The following RBFOX1 variants were observed in gnomAD, a reference collection of about 807,000 sequenced individuals.
RBFOX1 encodes RNA binding protein fox-1 homolog 1.
In RBFOX1, 8 loss-of-function variants were observed where a neutral mutation model predicts 57.7. The ratio of observed to expected loss-of-function variants is 0.14; its 90% CI spans 0.08 to 0.25. RBFOX1 has a LOEUF of 0.25. Among genes scored for constraint, RBFOX1 ranks in the 10% least tolerant of loss-of-function variants. RBFOX1 has a pLI of 1.00. For missense variants in RBFOX1, 611 were observed against 548.5 expected, an observed-to-expected ratio of 1.11 and a Z score of -1.14; for synonymous variants, 326 against 222.4, an observed-to-expected ratio of 1.47 and a Z score of -4.15.
At chr16:5,852,365 T>A (rs1039512673) in intron 3 of RBFOX1, among the ~76,000 whole-genome samples, 1 of 152,064 alleles carries the variant, frequency 6.6e-6, no homozygotes, top group Non-Finnish European at 1.5e-5. Context: ...GGAAGGAACA[T>A]GAGGCAGCAA....
At chr16:6,974,336 C>CTTTTTTTTTTT (rs59299498) in intron 3 of RBFOX1, among the ~76,000 whole-genome samples, 5 of 58,664 alleles carry the variant, frequency 8.5e-5, no homozygotes, top group Admixed American at 2.8e-4. Flanking sequence ...TTTTCTTTTT[C>CTTTTTTTTTTT]TTTTTTTTTT....
intron 4 of RBFOX1, among the ~76,000 whole-genome samples, chr16:7,311,375 G>A (rs2096302783): frequency 6.6e-6 from 1 of 151,838 alleles, no homozygotes; most frequent in East Asian, 1.9e-4. Flanking sequence ...CTCCCCTTTT[G>A]TGGCCATAGA....
At chr16:7,693,214 C>G in intron 14 of RBFOX1, 6 of 916,304 alleles carry the variant, frequency 6.5e-6, no homozygotes, top group Non-Finnish European at 1.1e-5. Context: ...CATTCACACG[C>G]AGCACCCTTC....
chr16:7,023,596 T>A (rs1278308366), intron 3 of RBFOX1, among the ~76,000 whole-genome samples: 7 of 91,060 alleles, frequency 7.7e-5, no homozygotes, highest in South Asian at 3.5e-4. Context: ...AAAAAAAAAT[T>A]AGCTTGCCAT....
intron 3 of RBFOX1, among the ~76,000 whole-genome samples, chr16:5,778,994 C>T (rs192205297): frequency 6.6e-6 from 1 of 152,156 alleles, no homozygotes; most frequent in Non-Finnish European, 1.5e-5. Flanking sequence ...ACTCATTTAA[C>T]AATTGTATAT....
At chr16:6,581,898 C>A (rs1807230625) in intron 2 of RBFOX1, among the ~76,000 whole-genome samples, 1 of 152,212 alleles carries the variant, frequency 6.6e-6, no homozygotes, top group African/African-American at 2.4e-5. Context: ...TCAAGGTTTT[C>A]TTTTGCCCTA....
intron 4 of RBFOX1, among the ~76,000 whole-genome samples, chr16:7,279,695 A>G (rs1296847783): frequency 2.0e-5 from 3 of 152,230 alleles, no homozygotes; most frequent in Non-Finnish European, 4.4e-5. Context: ...GAACTAGCAG[A>G]CCAGGCATAA....
chr16:6,510,797 A>G (rs981235924), intron 2 of RBFOX1, among the ~76,000 whole-genome samples: 2 of 152,120 alleles, frequency 1.3e-5, no homozygotes, highest in Non-Finnish European at 2.9e-5. Context: ...TACCTGGCGG[A>G]CTGCTAAAGG....
rs149334534 is a variant in RBFOX1 at position 7,081,034 on chromosome 16, G to C, written c.27+28936G>C. On this transcript the variant is annotated intron_variant, in intron 4 of 15. Coordinates refer to ENST00000550418, the MANE Select transcript of RBFOX1 (RefSeq NM_018723.4). ...CGAGTTGCTGGCCGTAGCCACACTG[G>C]CTTTATTTTACTTTTTTTGAGGCAG... is the stretch of plus-strand genomic sequence containing the variant. Among the ~76,000 whole-genome samples, 18 of 152,206 alleles carry C rather than the reference G, an allele frequency of 1.2e-4. No homozygotes were observed. The East Asian group carries it at 3.5e-3, about 29-fold the overall frequency.
At chr16:5,263,299 CATTACTTGTAATGGCAAAATCTGCA>C (rs1236384194) in intron 1 of RBFOX1, among the ~76,000 whole-genome samples, 4 of 151,878 alleles carry the variant, frequency 2.6e-5, no homozygotes, top group African/African-American at 9.7e-5. Flanking sequence ...CTGTTTTTGC[CATTACTTGTAATGGCAAAATCTGCA>C]ATTACTTTTG....
intron 2 of RBFOX1, among the ~76,000 whole-genome samples, chr16:5,531,738 C>A (rs1256403966): frequency 6.6e-6 from 1 of 151,376 alleles, no homozygotes; most frequent in Non-Finnish European, 1.5e-5. Context: ...TATTTAACTT[C>A]TATTAAGTCT....
chr16:5,308,761 T>C (rs2064004598), intron 1 of RBFOX1, among the ~76,000 whole-genome samples: 1 of 152,024 alleles, frequency 6.6e-6, no homozygotes, highest in Non-Finnish European at 1.5e-5. Context: ...ACATTTTTTT[T>C]CAATATTTGT....
chr16:6,506,699 G>C (rs1011945692), intron 2 of RBFOX1, among the ~76,000 whole-genome samples: 2 of 118,592 alleles, frequency 1.7e-5, no homozygotes, highest in Non-Finnish European at 3.2e-5. Flanking sequence ...CCAGGCTGGA[G>C]TACAGTGGCT....
chr16:7,504,739 A>T (rs376477629), intron 4 of RBFOX1, among the ~76,000 whole-genome samples: 403 of 7,674 alleles, frequency 0.053, 10 homozygotes, highest in Middle Eastern at 0.17. Context: ...ATATATATAT[A>T]TATATATATA....
intron 1 of RBFOX1, among the ~76,000 whole-genome samples, chr16:6,191,808 T>G (rs1438138397): frequency 6.6e-6 from 1 of 152,150 alleles, no homozygotes; most frequent in Non-Finnish European, 1.5e-5. Context: ...TTCCTTGGAA[T>G]GCAGGTATCG....
chr16:7,102,873 C>T (rs573962115), intron 4 of RBFOX1, among the ~76,000 whole-genome samples: 51 of 152,216 alleles, frequency 3.4e-4, no homozygotes, highest in South Asian at 1.5e-3. Flanking sequence ...ATCCAAAACG[C>T]ATGCACTTCA....
intron 4 of RBFOX1, among the ~76,000 whole-genome samples, chr16:5,942,462 A>G (rs751969079): frequency 1.3e-5 from 2 of 152,176 alleles, no homozygotes; most frequent in Non-Finnish European, 2.9e-5. Flanking sequence ...CATTCGACCA[A>G]TCTTAGGTTC....
At chr16:7,223,125 C>A (rs923185463) in intron 4 of RBFOX1, among the ~76,000 whole-genome samples, 1 of 152,152 alleles carries the variant, frequency 6.6e-6, no homozygotes. Flanking sequence ...GGTAGCTCAC[C>A]ACATCTACAA....
chr16:5,767,671 G>A (rs1036553657), intron 3 of RBFOX1, among the ~76,000 whole-genome samples: 3 of 152,120 alleles, frequency 2.0e-5, no homozygotes, highest in African/African-American at 7.2e-5. Flanking sequence ...TATTTATAGG[G>A]TGGCTTTCCA....
Sources: gnomAD v4.1 joint callset for allele counts (sites outside exome capture counted in the v4.1 genomes callset) on GRCh38, gnomAD v4.1.1 for gene constraint, MANE v1.5 for transcripts, NCBI Gene and HGNC (gene_info 2026-07-23, HGNC 2026-07-21) for gene names.